Variants in SH3RF3 observed in about 807,000 individuals in gnomAD.
The protein encoded by SH3RF3 is SH3 domain containing ring finger 3.
A neutral mutation model predicts 66.3 loss-of-function variants in SH3RF3; 29 were observed. The observed-to-expected ratio is 0.44, with a 90% CI of 0.33 to 0.60. The LOEUF is 0.60. Among genes scored for constraint, SH3RF3 ranks in the 20% least tolerant of loss-of-function variants. The pLI, the probability that SH3RF3 is intolerant of heterozygous loss-of-function variation, is 0.04. For missense variants in SH3RF3, 1,194 were observed against 1,190.9 expected (o/e 1.00, Z -0.04); for synonymous variants, 583 against 532.0 (o/e 1.10, Z -1.32).
chr2:109,287,131 G>A (rs1413859180), intron 1 of SH3RF3, among the ~76,000 whole-genome samples: 1 of 152,168 alleles, frequency 6.6e-6, no homozygotes, highest in Non-Finnish European at 1.5e-5. Context: ...TTGGCCTCAT[G>A]GGGGGTTGTC....
chr2:109,428,889 C>T (rs951235482), intron 5 of SH3RF3, among the ~76,000 whole-genome samples: 14 of 152,176 alleles, frequency 9.2e-5, no homozygotes, highest in African/African-American at 3.4e-4. Context: ...GCCCTGCTAC[C>T]TGCAGGTGCT....
intron 4 of SH3RF3, among the ~76,000 whole-genome samples, chr2:109,399,856 G>A (rs1676255918): frequency 6.6e-6 from 1 of 152,202 alleles, no homozygotes; most frequent in African/African-American, 2.4e-5. Context: ...CTGACCTTCT[G>A]CAGGACTGTG....
At chr2:109,318,876 C>A (rs992205157) in intron 1 of SH3RF3, among the ~76,000 whole-genome samples, 1 of 152,256 alleles carries the variant, frequency 6.6e-6, no homozygotes, top group African/African-American at 2.4e-5. Context: ...GAACCAAAGC[C>A]AGCTGGAATT....
At chr2:109,199,608 G>GTTCC (rs1678606484) in intron 1 of SH3RF3, among the ~76,000 whole-genome samples, 9 of 224 alleles carry the variant, frequency 0.04, no homozygotes, top group South Asian at 0.5. Flanking sequence ...GGAATGGAAT[G>GTTCC]GAATGGAATG....
chr2:109,304,218 T>C (rs976879426), intron 1 of SH3RF3, among the ~76,000 whole-genome samples: 1 of 152,166 alleles, frequency 6.6e-6, no homozygotes, highest in Non-Finnish European at 1.5e-5. Context: ...CTTGCAGAAC[T>C]AAACTATAGT....
At position 109,419,593 on chromosome 2, in the gene SH3RF3, G is replaced by A. The variant is rs574646362; in HGVS notation, c.1354G>A (p.Val452Met). The part of the protein sequence containing the change: ...TPTAVPRAAS[V>M]SGEQGTPPKV... ...CACGGCTGTCCCACGGGCTGCCTCGGTGTCTGGAGAGCAGGGCACGCCTCC... is the reference window on the plus strand; with the variant it reads ...CACGGCTGTCCCACGGGCTGCCTCGATGTCTGGAGAGCAGGGCACGCCTCC... Residue 452 changes from valine to methionine, a missense_variant, in exon 5 of 10, where the codon GTG becomes ATG. Transcript: ENST00000309415. 16 of 1,597,326 alleles carry A rather than the reference G, an allele frequency of 1.0e-5. No homozygotes were observed. The East Asian group carries it at 3.4e-4, about 34-fold the overall frequency.
At chr2:109,208,281 C>T (rs1036327499) in intron 1 of SH3RF3, among the ~76,000 whole-genome samples, 3 of 152,228 alleles carry the variant, frequency 2.0e-5, no homozygotes, top group South Asian at 4.1e-4. Flanking sequence ...CACAGACACT[C>T]CTGCCACCTG....
At chr2:109,178,316 A>C (rs1677978431) in intron 1 of SH3RF3, among the ~76,000 whole-genome samples, 1 of 152,134 alleles carries the variant, frequency 6.6e-6, no homozygotes, top group Non-Finnish European at 1.5e-5. Context: ...AATGTTCTCT[A>C]TTGCAATTCA....
chr2:109,314,623 G>A (rs189874710), intron 1 of SH3RF3, among the ~76,000 whole-genome samples: 1 of 152,172 alleles, frequency 6.6e-6, no homozygotes, highest in Non-Finnish European at 1.5e-5. Context: ...CACTCTCCAT[G>A]GTCTTTAAAG....
chr2:109,146,310 T>A (rs1456897729), intron 1 of SH3RF3, among the ~76,000 whole-genome samples: 4 of 152,140 alleles, frequency 2.6e-5, no homozygotes, highest in African/African-American at 9.7e-5. Flanking sequence ...CTGGGACAAA[T>A]TGCCAAAGGG....
chr2:109,338,537 A>G (rs1399319129), intron 1 of SH3RF3, among the ~76,000 whole-genome samples: 1 of 152,066 alleles, frequency 6.6e-6, no homozygotes, highest in African/African-American at 2.4e-5. Flanking sequence ...CCCCCGGCAC[A>G]GTCAAAAACC....
chr2:109,213,776 C>T (rs1679046532), intron 1 of SH3RF3, among the ~76,000 whole-genome samples: 1 of 152,124 alleles, frequency 6.6e-6, no homozygotes, highest in African/African-American at 2.4e-5. Context: ...GACGTGGTCT[C>T]ACTGTGGTGT....
intron 1 of SH3RF3, among the ~76,000 whole-genome samples, chr2:109,291,941 A>G (rs774013899): frequency 7.9e-5 from 12 of 152,184 alleles, no homozygotes; most frequent in Non-Finnish European, 4.4e-5. Flanking sequence ...TCGGCTCACC[A>G]CAAGCCCTGC....
At chr2:109,255,816 T>C (rs1680209882) in intron 1 of SH3RF3, among the ~76,000 whole-genome samples, 2 of 152,244 alleles carry the variant, frequency 1.3e-5, no homozygotes, top group African/African-American at 4.8e-5. Context: ...GCCGACTGTT[T>C]GTGCTTTTAA....
At chr2:109,419,726 G>T (rs1005535924) in intron 5 of SH3RF3, 84 bp downstream of exon 5, 13 of 1,339,040 alleles carry the variant, frequency 9.7e-6, no homozygotes, top group Admixed American at 2.1e-5. Flanking sequence ...TGTGGTTTCC[G>T]CAGGGTTTTC....
chr2:109,178,086 TA>T (rs1456733562), intron 1 of SH3RF3, among the ~76,000 whole-genome samples: 3 of 152,178 alleles, frequency 2.0e-5, no homozygotes, highest in African/African-American at 7.2e-5. Context: ...ACCCTAAAAC[TA>T]AAAATATTTT....
chr2:109,149,058 C>T (rs1180049412), intron 1 of SH3RF3, among the ~76,000 whole-genome samples: 1 of 152,108 alleles, frequency 6.6e-6, no homozygotes, highest in East Asian at 1.9e-4. Context: ...TCTTTCCTTC[C>T]TTCAGAGGCT....
intron 2 of SH3RF3, among the ~76,000 whole-genome samples, chr2:109,361,814 T>G (rs1683055599): frequency 6.6e-6 from 1 of 152,240 alleles, no homozygotes; most frequent in African/African-American, 2.4e-5. Context: ...TAGCAGATTG[T>G]CTTTTAAGGA....
rs374804725 is a variant in SH3RF3 at position 109,305,707 on chromosome 2, G to A, written c.574-41967G>A. ...TGTCACTGTACACTCCTTCATGTGC[G>A]GTGTGTGGCTACAATGCGGGAGGAC... On this transcript the variant is annotated intron_variant, in intron 1 of 9. Transcript: ENST00000309415. 3.9e-5 allele frequency among the ~76,000 whole-genome samples: 6 copies of A among 152,342 alleles called. No individual in the cohort carries two copies. The East Asian group carries it at 1.2e-3, about 29-fold the overall frequency.
Sources: allele counts gnomAD v4.1 joint callset (sites outside exome capture counted in the v4.1 genomes callset), GRCh38; gene constraint gnomAD v4.1.1; transcripts MANE v1.5; gene names NCBI Gene and HGNC (gene_info 2026-07-23, HGNC 2026-07-21).